The following ASIC2 variants were observed in gnomAD, a reference collection of about 807,000 sequenced individuals.
ASIC2 encodes the protein acid-sensing ion channel 2.
ASIC2 carries 25 observed loss-of-function variants against 57.3 expected under a neutral mutation model. That is an observed-to-expected ratio of 0.44 (90% confidence interval 0.32 to 0.61). The LOEUF (loss-of-function observed/expected upper bound fraction) is 0.61. Ranked by LOEUF, ASIC2 falls within the 20% of genes least tolerant of loss-of-function variation. The pLI, the probability that ASIC2 is intolerant of heterozygous loss-of-function variation, is 0.06. For synonymous variants in ASIC2, 319 were observed against 307.5 expected, an observed-to-expected ratio of 1.04 and a Z score of -0.39; for missense variants, 641 against 738.1, an observed-to-expected ratio of 0.87 and a Z score of 1.52.
intron 1 of ASIC2, among the ~76,000 whole-genome samples, chr17:33,597,517 CT>C (rs1905017263): frequency 1.3e-5 from 2 of 151,912 alleles, no homozygotes; most frequent in Admixed American, 1.3e-4. Flanking sequence ...ATATATATGA[CT>C]TAGCTTTTTT....
chr17:33,856,040 A>G (rs887805576), intron 1 of ASIC2, among the ~76,000 whole-genome samples: 9 of 152,192 alleles, frequency 5.9e-5, no homozygotes, highest in Non-Finnish European at 1.2e-4. Flanking sequence ...GGGAGGGAGA[A>G]GGAGGAAGAG....
chr17:33,420,320 T>G (rs1911002355), intron 1 of ASIC2, among the ~76,000 whole-genome samples: 2 of 152,210 alleles, frequency 1.3e-5, no homozygotes, highest in African/African-American at 4.8e-5. Flanking sequence ...CATGCAGTTA[T>G]TCTACAAGTC....
At chr17:33,798,845 G>A (rs1911997381) in intron 1 of ASIC2, among the ~76,000 whole-genome samples, 1 of 152,148 alleles carries the variant, frequency 6.6e-6, no homozygotes, top group Non-Finnish European at 1.5e-5. Context: ...CAATGGTCAG[G>A]GGAAAATGCC....
At chr17:33,573,247 C>T (rs1410903023) in intron 1 of ASIC2, among the ~76,000 whole-genome samples, 2 of 152,140 alleles carry the variant, frequency 1.3e-5, no homozygotes, top group Non-Finnish European at 2.9e-5. Flanking sequence ...TAAAGGGGGC[C>T]ACTAGACCAT....
intron 1 of ASIC2, among the ~76,000 whole-genome samples, chr17:33,393,860 C>T (rs1909984959): frequency 6.6e-6 from 1 of 152,128 alleles, no homozygotes. Flanking sequence ...CTGACAAGGA[C>T]CAAGCATGGA....
chr17:33,590,539 TCCCAATCTCTACACCACAC>T (rs1185800688), intron 1 of ASIC2, among the ~76,000 whole-genome samples: 5 of 151,148 alleles, frequency 3.3e-5, no homozygotes, highest in Admixed American at 2.0e-4. Flanking sequence ...CTACACCACA[TCCCAATCTCTACACCACAC>T]CCCAATCTCT....
intron 3 of ASIC2, among the ~76,000 whole-genome samples, chr17:33,064,631 T>C (rs886247495): frequency 3.3e-5 from 5 of 152,216 alleles, no homozygotes; most frequent in Non-Finnish European, 2.9e-5. Context: ...GTTAGGCTAC[T>C]CGGGGGTCAG....
At chr17:33,401,379 T>C (rs944698089) in intron 1 of ASIC2, among the ~76,000 whole-genome samples, 4 of 152,160 alleles carry the variant, frequency 2.6e-5, no homozygotes, top group Non-Finnish European at 5.9e-5. Flanking sequence ...TCCCTTGCCA[T>C]TGTAGTGTTA....
intron 1 of ASIC2, chr17:34,037,425 G>A (rs1248004490): frequency 1.8e-6 from 1 of 550,944 alleles, no homozygotes. Flanking sequence ...ACAAGGCCTG[G>A]CCGGAGCTGC....
chr17:33,531,337 T>G (rs1043456943), intron 1 of ASIC2, among the ~76,000 whole-genome samples: 23 of 152,098 alleles, frequency 1.5e-4, no homozygotes, highest in African/African-American at 5.3e-4. Context: ...TTACACCAAA[T>G]CTGAGCTGCC....
chr17:33,379,006 C>T (rs911652347), intron 1 of ASIC2, among the ~76,000 whole-genome samples: 4 of 152,170 alleles, frequency 2.6e-5, no homozygotes, highest in African/African-American at 4.8e-5. Flanking sequence ...ACAGCCAGTA[C>T]ATAGGGAGCA....
chr17:33,584,577 C>CGGGTG (rs1567660510), intron 1 of ASIC2, among the ~76,000 whole-genome samples: 1 of 152,104 alleles, frequency 6.6e-6, no homozygotes, highest in African/African-American at 2.4e-5. Flanking sequence ...TGACTTGGCA[C>CGGGTG]AGGTGAGGCA....
intron 1 of ASIC2, among the ~76,000 whole-genome samples, chr17:33,468,102 A>G (rs1384987135): frequency 6.6e-6 from 1 of 152,216 alleles, no homozygotes; most frequent in Non-Finnish European, 1.5e-5. Context: ...TTGGTTCTCA[A>G]GACTGAAGAC....
intron 1 of ASIC2, among the ~76,000 whole-genome samples, chr17:33,641,377 G>A (rs1418178760): frequency 1.3e-5 from 2 of 152,180 alleles, no homozygotes; most frequent in African/African-American, 4.8e-5. Flanking sequence ...TATAAGCTCT[G>A]TTCTCCTTCT....
chr17:34,086,372 G>A (rs1910112829), intron 1 of ASIC2, among the ~76,000 whole-genome samples: 1 of 152,146 alleles, frequency 6.6e-6, no homozygotes, highest in Non-Finnish European at 1.5e-5. Flanking sequence ...TTAATCCTGA[G>A]TTCTAATTTG....
intron 1 of ASIC2, among the ~76,000 whole-genome samples, chr17:34,030,095 C>T (rs532057491): frequency 6.6e-6 from 1 of 152,304 alleles, no homozygotes; most frequent in South Asian, 2.1e-4. Flanking sequence ...TTGCAAAGGG[C>T]CTACAAGAAA....
intron 1 of ASIC2, among the ~76,000 whole-genome samples, chr17:33,785,153 T>A (rs1911564980): frequency 6.6e-6 from 1 of 151,652 alleles, no homozygotes; most frequent in Non-Finnish European, 1.5e-5. Flanking sequence ...ATGACTGGTG[T>A]CCTTATAGGA....
chr17:34,059,170 T>C (rs1188791039), intron 1 of ASIC2, among the ~76,000 whole-genome samples: 1 of 152,166 alleles, frequency 6.6e-6, no homozygotes, highest in Non-Finnish European at 1.5e-5. Context: ...ACACCCCAAA[T>C]ACTGTGAGTG....
intron 1 of ASIC2, among the ~76,000 whole-genome samples, chr17:33,673,471 G>T (rs1597830294): frequency 6.6e-6 from 1 of 152,152 alleles, no homozygotes; most frequent in African/African-American, 2.4e-5. Flanking sequence ...GAGCTGAAAG[G>T]CATCTGAAGA....
Sources: gnomAD v4.1 joint callset for allele counts (sites outside exome capture counted in the v4.1 genomes callset) on GRCh38, gnomAD v4.1.1 for gene constraint, MANE v1.5 for transcripts, NCBI Gene and HGNC (gene_info 2026-07-23, HGNC 2026-07-21) for gene names.